Variants in PPHLN1 observed in about 807,000 individuals in gnomAD.
PPHLN1 encodes the protein periphilin 1.
In PPHLN1, 29 loss-of-function variants were observed where a neutral mutation model predicts 51.3. The ratio of observed to expected loss-of-function variants is 0.57; its 90% CI spans 0.42 to 0.77. The LOEUF (loss-of-function observed/expected upper bound fraction) is 0.77. PPHLN1 is among the 30% of genes least tolerant of loss of function. The pLI is 0.00. For missense variants in PPHLN1, 436 were observed against 438.4 expected, an observed-to-expected ratio of 0.99 and a Z score of 0.05; for synonymous variants, 147 against 147.8, an observed-to-expected ratio of 0.99 and a Z score of 0.04.
At chr12:42,387,735 A>G (rs1464900918) in intron 7 of PPHLN1, among the ~76,000 whole-genome samples, 200 bp downstream of exon 7, 4 of 152,170 alleles carry the variant, frequency 2.6e-5, no homozygotes, top group Admixed American at 2.0e-4. Flanking sequence ...GAAAAGAAAG[A>G]GAGATCAGAC....
intron 4 of PPHLN1, chr12:42,359,437 AAGC>A (rs1334690219): frequency 6.6e-6 from 1 of 152,248 alleles, no homozygotes; most frequent in African/African-American, 2.4e-5. Flanking sequence ...TACAAAGAAA[AAGC>A]AGGGAATAGA....
intron 9 of PPHLN1, among the ~76,000 whole-genome samples, chr12:42,405,399 C>G (rs748752017): frequency 2.0e-5 from 3 of 152,200 alleles, no homozygotes; most frequent in Non-Finnish European, 4.4e-5. Flanking sequence ...AATTGATATT[C>G]TCAGTCCATT....
intron 9 of PPHLN1, among the ~76,000 whole-genome samples, chr12:42,436,298 C>T (rs1051495619): frequency 6.6e-6 from 1 of 152,188 alleles, no homozygotes; most frequent in Non-Finnish European, 1.5e-5. Flanking sequence ...GCTATTCATT[C>T]AACATTTACT....
At position 42,385,013 on chromosome 12, in the gene PPHLN1, A is replaced by G. The variant is rs1467900903; in HGVS notation, c.568+17A>G. On this transcript the variant is annotated intron_variant, in intron 6 of 9. Coordinates refer to ENST00000358314, the MANE Select transcript of PPHLN1 (RefSeq NM_201439.2). ...CTGAAAGAGGTGAGTTTTGAGCTAG[A>G]CTCTGATTTGGGATTGTGAAGGGGT... 6.3e-7 allele frequency: 1 copy of G among 1,592,900 alleles called. No homozygotes were observed. Among genetic ancestry groups the G allele is most frequent in the Admixed American group, 1.7e-5 (1 of 59,970 alleles).
chr12:42,375,750 A>G (rs2076215713), intron 5 of PPHLN1, among the ~76,000 whole-genome samples: 1 of 151,966 alleles, frequency 6.6e-6, no homozygotes, highest in African/African-American at 2.4e-5. Flanking sequence ...CAATCTTAGC[A>G]TGTCATGCTG....
chr12:42,364,929 A>G (rs561767306), intron 4 of PPHLN1, among the ~76,000 whole-genome samples: 2 of 152,250 alleles, frequency 1.3e-5, no homozygotes, highest in Admixed American at 6.5e-5. Context: ...AAAAACAAAC[A>G]AAGTTCTAGT....
intron 9 of PPHLN1, among the ~76,000 whole-genome samples, chr12:42,434,252 C>T (rs943273085): frequency 4.6e-5 from 7 of 152,126 alleles, no homozygotes; most frequent in South Asian, 2.1e-4. Flanking sequence ...TGGACACAAG[C>T]GGGGGAACAA....
At chr12:42,358,686 A>G (rs1250215889) in intron 4 of PPHLN1, among the ~76,000 whole-genome samples, 1 of 152,250 alleles carries the variant, frequency 6.6e-6, no homozygotes, top group East Asian at 1.9e-4. Context: ...GATTATAGGC[A>G]TGAGCCATTG....
intron 9 of PPHLN1, among the ~76,000 whole-genome samples, chr12:42,425,840 T>TA (rs1217599039): frequency 3.3e-5 from 5 of 152,228 alleles, no homozygotes; most frequent in Non-Finnish European, 7.3e-5. Context: ...GTATACACGA[T>TA]ACAGGATTTT....
intron 4 of PPHLN1, among the ~76,000 whole-genome samples, chr12:42,372,091 A>T (rs1028751524): frequency 1.3e-5 from 2 of 152,042 alleles, no homozygotes; most frequent in Admixed American, 6.6e-5. Flanking sequence ...GTAATTCCCT[A>T]TAGTGCTGTT....
intron 9 of PPHLN1, among the ~76,000 whole-genome samples, chr12:42,428,170 A>C: frequency 6.6e-6 from 1 of 152,230 alleles, no homozygotes; most frequent in Non-Finnish European, 1.5e-5. Flanking sequence ...GGGAATGTAA[A>C]CTAGTACAGC....
At chr12:42,426,770 T>A (rs769442215) in intron 9 of PPHLN1, among the ~76,000 whole-genome samples, 14 of 152,180 alleles carry the variant, frequency 9.2e-5, no homozygotes, top group Non-Finnish European at 2.1e-4. Context: ...CTCCCTGAAT[T>A]GAGAACTCAA....
At chr12:42,426,228 A>ACACACACACCCC (rs371819974) in intron 9 of PPHLN1, among the ~76,000 whole-genome samples, 8 of 129,788 alleles carry the variant, frequency 6.2e-5, no homozygotes, top group African/African-American at 2.6e-4. Flanking sequence ...ACACACACAC[A>ACACACACACCCC]CCCTCATGCA....
intron 4 of PPHLN1, chr12:42,374,607 A>ATTTTTTT (rs35683626): frequency 4.4e-5 from 7 of 160,348 alleles, no homozygotes; most frequent in Non-Finnish European, 6.1e-5. Flanking sequence ...CGCCCAGCTA[A>ATTTTTTT]TTTTTTTTTT....
chr12:42,402,090 C>G (rs895872004), intron 9 of PPHLN1, among the ~76,000 whole-genome samples: 3 of 151,908 alleles, frequency 2.0e-5, no homozygotes, highest in African/African-American at 7.3e-5. Context: ...AACTTCTGGG[C>G]TCGAGAGATC....
rs1348028175 is a variant in PPHLN1 at position 42,345,899 on chromosome 12, TC to T, written c.73-5984del. ...TCAAGGTATTTTCCTCTTTTTTCTT[TC>T]CATTTTTTATTTTTGTTTACTTATT... On this transcript the variant is annotated intron_variant, in intron 2 of 9. Coordinates refer to ENST00000358314, the MANE Select transcript of PPHLN1 (RefSeq NM_201439.2). 4.6e-5 allele frequency among the ~76,000 whole-genome samples: 7 copies of T among 152,166 alleles called. No individual in the cohort carries two copies. In the East Asian group the frequency reaches 1.4e-3, roughly 29 times the overall value.
At chr12:42,349,149 A>G (rs892775042) in intron 2 of PPHLN1, among the ~76,000 whole-genome samples, 2 of 152,262 alleles carry the variant, frequency 1.3e-5, no homozygotes, top group African/African-American at 2.4e-5. Flanking sequence ...AGGGCTAAGA[A>G]GTAATTTAAG....
At chr12:42,350,397 C>G (rs2073135002) in intron 2 of PPHLN1, 1 of 162,134 alleles carries the variant, frequency 6.2e-6, no homozygotes, top group African/African-American at 2.4e-5. Flanking sequence ...TCCTCACATC[C>G]CAGACGATGG....
rs1007422346 is a variant in PPHLN1 at position 42,382,957 on chromosome 12, A to G, written c.512-1983A>G. 1.6e-4 allele frequency among the ~76,000 whole-genome samples: 24 copies of G among 152,210 alleles called. 2 individuals are homozygous for G. Among genetic ancestry groups the G allele is most frequent in the East Asian group, 9.6e-4 (5 of 5,206 alleles). On this transcript the variant is annotated intron_variant, in intron 5 of 9. Transcript: ENST00000358314. ...TTCTATTATCTCTTGTTGTGTTACA[A>G]AAAACAAAAACAAAACAAAAAAAAC...
Sources: gnomAD v4.1 joint callset for allele counts (sites outside exome capture counted in the v4.1 genomes callset) on GRCh38, gnomAD v4.1.1 for gene constraint, MANE v1.5 for transcripts, NCBI Gene and HGNC (gene_info 2026-07-23, HGNC 2026-07-21) for gene names.